PPEF2: variants seen among roughly 807,000 people sequenced by gnomAD.
The protein encoded by PPEF2 is protein phosphatase with EF-hand domain 2.
PPEF2 carries 84 observed loss-of-function variants against 84.7 expected under a neutral mutation model. The observed-to-expected ratio is 0.99, with a 90% CI of 0.83 to 1.19. The LOEUF is 1.19. Ranked by LOEUF, PPEF2 falls within the 50% of genes most tolerant of loss-of-function variation. PPEF2 has a pLI of 0.00. For missense variants in PPEF2, 924 were observed against 937.5 expected, an observed-to-expected ratio of 0.99 and a Z score of 0.19; for synonymous variants, 346 against 345.2, an observed-to-expected ratio of 1.00 and a Z score of -0.03.
In PPEF2 at chr4:75,891,894, A is replaced by T. The variant is rs774043956; in HGVS notation, c.140T>A (p.Ile47Asn). 6.2e-7 allele frequency: 1 copy of T among 1,614,118 alleles called. No individual in the cohort carries two copies. Among genetic ancestry groups the T allele is most frequent in the Admixed American group, 1.7e-5 (1 of 60,016 alleles). The change falls in exon 3 of 17, where the codon ATC becomes AAC. Residue 47 changes from isoleucine (I) to asparagine (N), a missense_variant. Ile to Asn is a moderately radical substitution (Grantham distance 149). Coordinates refer to ENST00000286719, the MANE Select transcript of PPEF2 (RefSeq NM_006239.3). Reference sequence around the variant, plus strand: ...CCCAGCATATTCTATAGACTGGAAGATGCTCCAGGTGCAACGCCGCCTCAT... The same window carrying T: ...CCCAGCATATTCTATAGACTGGAAGTTGCTCCAGGTGCAACGCCGCCTCAT... The part of the protein sequence containing the change: ...LEMRRRCTWS[I>N]FQSIEYAGQQ...
rs1723982251 is a variant in PPEF2 at position 75,860,843 on chromosome 4, A to G, written c.2086T>C (p.Cys696Arg). 1 of 1,614,036 alleles carries G rather than the reference A, an allele frequency of 6.2e-7. No individual in the cohort carries two copies. Among genetic ancestry groups the G allele is most frequent in the South Asian group, 1.1e-5 (1 of 91,082 alleles). ...SHMNIDITDD[C>R]ICDLARSIDF... Reference sequence around the variant, plus strand: ...ATGCTCCGAGCAAGGTCACAGATGCAGTCATCTGTAATGTCGATATTCATG... The same window carrying G: ...ATGCTCCGAGCAAGGTCACAGATGCGGTCATCTGTAATGTCGATATTCATG... Residue 696 changes from cysteine to arginine, a missense_variant, in exon 17 of 17, where the codon TGC (cysteine) becomes CGC (arginine). Coordinates refer to ENST00000286719, the MANE Select transcript of PPEF2 (RefSeq NM_006239.3).
intron 10 of PPEF2, among the ~76,000 whole-genome samples, chr4:75,882,360 A>G (rs779748123): frequency 2.0e-5 from 3 of 152,182 alleles, no homozygotes; most frequent in Non-Finnish European, 4.4e-5. Flanking sequence ...GGTAATATGA[A>G]TTATTTGGGA....
chr4:75,886,848 A>C lies in PPEF2; in HGVS notation c.579+4T>G, dbSNP rs1461971632. On this transcript the variant is annotated splice_donor_region_variant and intron_variant, in intron 7 of 16. Coordinates refer to ENST00000286719, the MANE Select transcript of PPEF2 (RefSeq NM_006239.3). ...AGAAAGCAACTTAATTTGAACATTC[A>C]TACCTTATAAAATATAAAGATTAAG... 2 of 1,485,578 alleles carry C rather than the reference A, an allele frequency of 1.3e-6. No individual in the cohort carries two copies. Among genetic ancestry groups the C allele is most frequent in the Non-Finnish European group, 1.8e-6 (2 of 1,085,594 alleles). 92.0% of individuals were successfully genotyped at this position (1,485,578 alleles called of 1,614,324 possible). A position where few individuals can be genotyped will look rare whatever the true frequency, so the allele number is the denominator to read the frequency against.
At chr4:75,875,658 C>T (rs968295198) in intron 11 of PPEF2, among the ~76,000 whole-genome samples, 7 of 152,154 alleles carry the variant, frequency 4.6e-5, no homozygotes, top group African/African-American at 1.7e-4. Flanking sequence ...TCATCTCCCA[C>T]CTGGATGGCT....
rs1286722860 is a variant in PPEF2, at chr4:75,860,717, G to A, written c.2212C>T (p.Gln738Ter). Residue 738 changes from glutamine to a stop codon, truncating the protein, a stop_gained, in exon 17 of 17, where the codon CAA becomes TAA. Coordinates refer to ENST00000286719, the MANE Select transcript of PPEF2 (RefSeq NM_006239.3). LOFTEE classifies it low-confidence loss of function (END_TRUNC). ...CPEGDASECP[Q>*]ATNAKDSGCS... ...CCACTGTCTTTAGCATTTGTAGCTT[G>A]TGGGCATTCTGAGGCATCGCCCTCT... The A allele has an allele frequency of 3.5e-5, 56 of 1,614,134 alleles. No individual in the cohort carries two copies. The highest frequency in any genetic ancestry group is 4.7e-5 in the Non-Finnish European group (55 of 1,180,046).
At chr4:75,880,144 A>G (rs1983110) in intron 10 of PPEF2, among the ~76,000 whole-genome samples, 131,856 of 152,176 alleles carry the variant, frequency 0.87, 59,932 homozygotes, top group Non-Finnish European at 0.99. Flanking sequence ...ATTTTATTTT[A>G]AGGATGTTGT....
intron 1 of PPEF2, among the ~76,000 whole-genome samples, chr4:75,901,319 C>A (rs1035992445): frequency 6.6e-6 from 1 of 152,040 alleles, no homozygotes; most frequent in African/African-American, 2.4e-5. Context: ...AGTTCGAGAC[C>A]AGCCTAGCCA....
intron 10 of PPEF2, among the ~76,000 whole-genome samples, chr4:75,877,278 G>A (rs189833474): frequency 4.8e-4 from 72 of 150,996 alleles, no homozygotes; most frequent in African/African-American, 1.7e-3. Flanking sequence ...CGGAGGTTGC[G>A]GTGAGCCAAG....
At chr4:75,887,485 G>A (rs1176376421) in intron 6 of PPEF2, among the ~76,000 whole-genome samples, 3 of 152,080 alleles carry the variant, frequency 2.0e-5, no homozygotes, top group African/African-American at 4.8e-5. Context: ...GCCGGGCGTG[G>A]TGGCGGGCGC....
Position 75,860,760 on chromosome 4 carries a change from A to G in PPEF2, c.2169T>C (p.Leu723=), listed in dbSNP as rs751835774. The G allele has an allele frequency of 5.0e-6, 8 of 1,614,234 alleles. No individual in the cohort carries two copies. In the Admixed American group the frequency reaches 1.3e-4, roughly 27 times the overall value. ...DINEFLEAFR[L]VEKSCPEGDA... ...CGCCCTCTGGGCAGGATTTCTCCAC[A>G]AGGCGGAAGGCCTCCAGGAACTCAT... The change falls in exon 17 of 17, where the codon CTT becomes CTC. Residue 723 remains leucine (L), a synonymous_variant. Transcript: ENST00000286719.
chr4:75,865,238 C>T (rs1724099671), intron 15 of PPEF2, among the ~76,000 whole-genome samples: 2 of 151,578 alleles, frequency 1.3e-5, no homozygotes, highest in African/African-American at 4.9e-5. Flanking sequence ...CGCCTGGTTG[C>T]CTGAAGGTAA....
At chr4:75,878,897 A>T (rs1201656930) in intron 10 of PPEF2, among the ~76,000 whole-genome samples, 1 of 152,156 alleles carries the variant, frequency 6.6e-6, no homozygotes, top group Non-Finnish European at 1.5e-5. Context: ...ATATCGACTC[A>T]AACTCGTGTT....
intron 15 of PPEF2, among the ~76,000 whole-genome samples, chr4:75,864,827 T>C (rs560207815): frequency 1.3e-4 from 20 of 152,286 alleles, no homozygotes; most frequent in African/African-American, 4.1e-4. Context: ...TTTTCGGACA[T>C]TGTAATATTT....
chr4:75,876,212 C>T, intron 11 of PPEF2, 75 bp downstream of exon 11: 1 of 1,502,210 alleles, frequency 6.7e-7, no homozygotes, highest in Non-Finnish European at 8.9e-7. Flanking sequence ...AAAACATATC[C>T]TGAGTTTCCC....
intron 8 of PPEF2, 134 bp downstream of exon 8, chr4:75,884,459 AC>A (rs1724668732): frequency 9.5e-7 from 1 of 1,049,644 alleles, no homozygotes; most frequent in Non-Finnish European, 1.4e-6. Context: ...AATGTTATAT[AC>A]TGTGTATTCT....
At chr4:75,883,257 G>GA in intron 8 of PPEF2, 55 bp from the exon 9 acceptor site, 1 of 1,500,956 alleles carries the variant, frequency 6.7e-7, no homozygotes, top group Non-Finnish European at 9.2e-7. Flanking sequence ...AATAATCAGG[G>GA]CATAATCACA....
In PPEF2 at chr4:75,873,217, T is replaced by C. The variant is rs369759181; in HGVS notation, c.1416A>G (p.Thr472=). The C allele has an allele frequency of 3.7e-6, 6 of 1,613,960 alleles. No homozygotes were observed. The African/African-American group carries it at 8.0e-5, about 22-fold the overall frequency. The change falls in exon 12 of 17, where the codon ACA becomes ACG. Residue 472 remains threonine, a synonymous_variant. Coordinates refer to ENST00000286719, the MANE Select transcript of PPEF2 (RefSeq NM_006239.3). ...GGGCYFGPDV[T]QQLLQKYNMQ... ...TGTTGTATTTTTGTAGCAACTGTTGTGTCACATCAGGCCCAAAATAACAGC... is the reference window on the plus strand; with the variant it reads ...TGTTGTATTTTTGTAGCAACTGTTGCGTCACATCAGGCCCAAAATAACAGC...
At chr4:75,898,278 TG>T (rs977522037) in intron 1 of PPEF2, among the ~76,000 whole-genome samples, 1 of 152,264 alleles carries the variant, frequency 6.6e-6, no homozygotes, top group Non-Finnish European at 1.5e-5. Flanking sequence ...ATTTTGTTTA[TG>T]GCCAGTTTTG....
rs997482982 is a variant in PPEF2 at position 75,876,403 on chromosome 4, G to T, written c.1204C>A (p.Arg402=). ...GTCACCAGGAGGCCTGCTTGCTGCC[G>T]GCACCGCTCTAGCTCCAGTTCCACG... is the stretch of plus-strand genomic sequence containing the variant. The part of the protein sequence containing the change: ...SSVELELERC[R]QQAGLLVTGE... The change falls in exon 11 of 17, where the codon CGG becomes AGG. Residue 402 remains arginine, a synonymous_variant. Transcript: ENST00000286719. 1 of 1,614,038 alleles carries T rather than the reference G, an allele frequency of 6.2e-7. No individual in the cohort carries two copies. Among genetic ancestry groups the T allele is most frequent in the East Asian group, 2.2e-5 (1 of 44,880 alleles).
Sources: gnomAD v4.1 joint callset for allele counts (sites outside exome capture counted in the v4.1 genomes callset) on GRCh38, gnomAD v4.1.1 for gene constraint, MANE v1.5 for transcripts, NCBI Gene and HGNC (gene_info 2026-07-23, HGNC 2026-07-21) for gene names.